The following KIDINS220 variants were observed in gnomAD, a reference collection of about 807,000 sequenced individuals.
KIDINS220 encodes the protein kinase D interacting substrate 220.
Under a neutral mutation model 157.6 loss-of-function variants are expected in KIDINS220, and 63 were observed. The observed-to-expected ratio is 0.40, with a 90% CI of 0.33 to 0.49. KIDINS220 has a LOEUF of 0.49. Ranked by LOEUF, KIDINS220 falls within the 20% of genes least tolerant of loss-of-function variation. KIDINS220 has a pLI of 0.66. For missense variants in KIDINS220, 1,772 were observed against 2,171.2 expected (o/e 0.82, Z 3.65); for synonymous variants, 732 against 783.6 (o/e 0.93, Z 1.10).
At chr2:8,727,187 A>C (rs1211824741), downstream of KIDINS220, 1 of 1,143,950 alleles carries the variant, frequency 8.7e-7, no homozygotes, top group Non-Finnish European at 1.1e-6. Context: ...CAGAGAGCCC[A>C]CCTGAGTCTG....
intron 17 of KIDINS220, among the ~76,000 whole-genome samples, chr2:8,782,948 C>T (rs1347716617): frequency 2.6e-5 from 4 of 152,084 alleles, no homozygotes; most frequent in African/African-American, 9.7e-5. Flanking sequence ...AATCCCAGCA[C>T]TTTGGGAGGC....
chr2:8,818,626 C>T, intron 3 of KIDINS220, 69 bp downstream of exon 3: 1 of 890,108 alleles, frequency 1.1e-6, no homozygotes, highest in South Asian at 1.7e-5. Context: ...TTTTGAATCA[C>T]TTCTGAAAAA....
At chr2:8,733,759 C>T (rs962492832) in intron 28 of KIDINS220, 79 bp from the exon 29 acceptor site, 5 of 968,468 alleles carry the variant, frequency 5.2e-6, no homozygotes, top group Non-Finnish European at 3.0e-6. Flanking sequence ...AAATACCAAA[C>T]ATTATAAAGC....
At chr2:8,802,577 G>A (rs906398567) in intron 8 of KIDINS220, among the ~76,000 whole-genome samples, 1 of 152,200 alleles carries the variant, frequency 6.6e-6, no homozygotes, top group African/African-American at 2.4e-5. Flanking sequence ...TTTATTGTAA[G>A]TTTAAGAGGC....
intron 22 of KIDINS220, among the ~76,000 whole-genome samples, chr2:8,758,973 A>T (rs1382055774): frequency 6.6e-6 from 1 of 152,236 alleles, no homozygotes; most frequent in African/African-American, 2.4e-5. Context: ...AAGAGAAAAG[A>T]GGCATCTATG....
At chr2:8,797,444 G>C (rs1362037363) in intron 10 of KIDINS220, among the ~76,000 whole-genome samples, 2 of 152,144 alleles carry the variant, frequency 1.3e-5, no homozygotes, top group African/African-American at 4.8e-5. Flanking sequence ...AGTCACCCTG[G>C]CTGACACCAA....
At chr2:8,751,405 T>G in intron 23 of KIDINS220, 61 bp downstream of exon 23, 2 of 1,403,918 alleles carry the variant, frequency 1.4e-6, no homozygotes, top group Non-Finnish European at 2.0e-6. Context: ...ACAAATAAGT[T>G]AGAAACATGA....
chr2:8,822,630 A>T (rs934000072), intron 2 of KIDINS220, among the ~76,000 whole-genome samples: 1 of 152,190 alleles, frequency 6.6e-6, no homozygotes, highest in African/African-American at 2.4e-5. Flanking sequence ...CTGTCTCAAA[A>T]AAAATAAAAT....
intron 6 of KIDINS220, among the ~76,000 whole-genome samples, chr2:8,807,089 T>C (rs1417435010): frequency 6.6e-6 from 1 of 152,172 alleles, no homozygotes; most frequent in African/African-American, 2.4e-5. Context: ...GTGATCCTTA[T>C]CGTAAGAACA....
At chr2:8,789,724 A>G (rs1362046422) in intron 14 of KIDINS220, among the ~76,000 whole-genome samples, 156 bp downstream of exon 14, 3 of 152,260 alleles carry the variant, frequency 2.0e-5, no homozygotes, top group Non-Finnish European at 2.9e-5. Context: ...ATGTTCCTTT[A>G]GGAAAATTTA....
At chr2:8,793,016 T>C (rs1188486830) in intron 12 of KIDINS220, among the ~76,000 whole-genome samples, 1 of 152,138 alleles carries the variant, frequency 6.6e-6, no homozygotes, top group Non-Finnish European at 1.5e-5. Flanking sequence ...TTTTTAAAAC[T>C]ATATACATAG....
At chr2:8,808,104 A>G (rs1285639836) in intron 6 of KIDINS220, among the ~76,000 whole-genome samples, 1 of 152,034 alleles carries the variant, frequency 6.6e-6, no homozygotes, top group Non-Finnish European at 1.5e-5. Flanking sequence ...AGCCTGGGTA[A>G]CAGAGCAAGA....
At chr2:8,790,203 AT>A in intron 13 of KIDINS220, 144 bp from the exon 14 acceptor site, 3 of 713,780 alleles carry the variant, frequency 4.2e-6, no homozygotes, top group Non-Finnish European at 4.4e-6. Flanking sequence ...CCACTTAACC[AT>A]TTTACCCAGT....
intron 17 of KIDINS220, among the ~76,000 whole-genome samples, chr2:8,783,881 C>T (rs528915435): frequency 3.3e-5 from 5 of 152,144 alleles, no homozygotes; most frequent in Admixed American, 2.0e-4. Flanking sequence ...AAAGATTTAA[C>T]GCAATCTCAA....
intron 22 of KIDINS220, among the ~76,000 whole-genome samples, chr2:8,768,567 C>T (rs551200344): frequency 1.6e-4 from 24 of 152,080 alleles, no homozygotes; most frequent in Admixed American, 1.4e-3. Flanking sequence ...ATAAACGAGG[C>T]TTTTTATGCA....
At chr2:8,779,222 C>T (rs1671370773) in intron 18 of KIDINS220, 83 bp from the exon 19 acceptor site, 1 of 1,487,940 alleles carries the variant, frequency 6.7e-7, no homozygotes, top group Non-Finnish European at 9.1e-7. Flanking sequence ...TATGTGCTAC[C>T]TTTTGGTGAC....
At chr2:8,748,683 G>A (rs756943545) in intron 24 of KIDINS220, among the ~76,000 whole-genome samples, 9 of 152,154 alleles carry the variant, frequency 5.9e-5, no homozygotes, top group Non-Finnish European at 1.3e-4. Context: ...TTGTTACACT[G>A]AGGTGAAACC....
In KIDINS220 at chr2:8,751,647, T is replaced by C. The variant is rs773903612; in HGVS notation, c.3012-3A>G. On this transcript the variant is annotated splice_polypyrimidine_tract_variant and splice_region_variant and intron_variant, in intron 22 of 29. Transcript: ENST00000256707. ...TTGTTGGAATATTCTTTGATATTCTTCAAATAAGAAATCAATGAAAAAGGT... is the reference window on the plus strand; with the variant it reads ...TTGTTGGAATATTCTTTGATATTCTCCAAATAAGAAATCAATGAAAAAGGT... 1.3e-6 allele frequency: 2 copies of C among 1,566,978 alleles called. No homozygotes were observed. Among genetic ancestry groups the C allele is most frequent in the Admixed American group, 3.7e-5 (2 of 54,708 alleles).
At chr2:8,723,613 G>T (rs939034577), downstream of KIDINS220, 3 of 152,200 alleles carry the variant, frequency 2.0e-5, no homozygotes, top group Non-Finnish European at 2.9e-5. Context: ...GTCCATCTGA[G>T]GGAGGAGATA....
Sources: allele counts gnomAD v4.1 joint callset (sites outside exome capture counted in the v4.1 genomes callset), GRCh38; gene constraint gnomAD v4.1.1; transcripts MANE v1.5; gene names NCBI Gene and HGNC (gene_info 2026-07-23, HGNC 2026-07-21).